The following UNC5D variants were observed in gnomAD, a reference collection of about 807,000 sequenced individuals.
UNC5D encodes the protein netrin receptor UNC5D.
UNC5D carries 39 observed loss-of-function variants against 105.4 expected under a neutral mutation model. The observed-to-expected ratio is 0.37, with a 90% confidence interval of 0.29 to 0.48. The LOEUF is 0.48. Among genes scored for constraint, UNC5D ranks in the 20% least tolerant of loss-of-function variants. The pLI is 0.98. For synonymous variants in UNC5D, 452 were observed against 450.4 expected (o/e 1.00, Z -0.04); for missense variants, 991 against 1,202.4 (o/e 0.82, Z 2.60).
intron 4 of UNC5D, among the ~76,000 whole-genome samples, chr8:35,664,997 C>A (rs1824335707): frequency 6.6e-6 from 1 of 152,062 alleles, no homozygotes; most frequent in African/African-American, 2.4e-5. Flanking sequence ...CCATGCCCAG[C>A]TAATTTTTTA....
rs946417222 is a variant in UNC5D, at chr8:35,706,987, C to T, written c.1117+1026C>T. Among the ~76,000 whole-genome samples the T allele has an allele frequency of 4.6e-5, 7 of 152,278 alleles. 1 individual carries two copies. Among genetic ancestry groups the T allele is most frequent in the South Asian group, 4.1e-4 (2 of 4,824 alleles). ...CTCTCATTAGTAGGAGATTAGACAA[C>T]GGCCTGGCTGGTTTGGTTTGTAAAG... On this transcript the variant is annotated intron_variant, in intron 8 of 16. Transcript: ENST00000404895.
chr8:35,249,874 A>G (rs1202778491), intron 1 of UNC5D, among the ~76,000 whole-genome samples: 1 of 152,064 alleles, frequency 6.6e-6, no homozygotes, highest in East Asian at 1.9e-4. Flanking sequence ...TTGCTGCTAG[A>G]AATAGTGGTC....
At chr8:35,480,279 TGCCACTTAATACATAAATGAA>T (rs1810395379) in intron 1 of UNC5D, among the ~76,000 whole-genome samples, 1 of 152,190 alleles carries the variant, frequency 6.6e-6, no homozygotes, top group Admixed American at 6.5e-5. Context: ...ATATATGTAT[TGCCACTTAATACATAAATGAA>T]AAGTCTGCTA....
chr8:35,748,432 C>A (rs1429232351), intron 11 of UNC5D, 95 bp from the exon 12 acceptor site: 6 of 1,305,032 alleles, frequency 4.6e-6, no homozygotes, highest in African/African-American at 4.5e-5. Context: ...TATTTATAAG[C>A]CTGAAGAAAA....
chr8:35,716,660 G>T (rs1828266264), intron 8 of UNC5D, among the ~76,000 whole-genome samples: 1 of 152,130 alleles, frequency 6.6e-6, no homozygotes, highest in Admixed American at 6.5e-5. Flanking sequence ...AGCTACTATT[G>T]TCATTAATTA....
intron 1 of UNC5D, among the ~76,000 whole-genome samples, chr8:35,323,750 G>T (rs1317063466): frequency 1.3e-5 from 2 of 152,138 alleles, no homozygotes; most frequent in African/African-American, 4.8e-5. Flanking sequence ...GCTACTAAGT[G>T]GTGGAGCTGA....
chr8:35,676,173 C>T (rs1825203215), intron 4 of UNC5D, among the ~76,000 whole-genome samples: 1 of 152,120 alleles, frequency 6.6e-6, no homozygotes, highest in South Asian at 2.1e-4. Context: ...GGCATGAAAT[C>T]TAATTGTCTT....
intron 4 of UNC5D, among the ~76,000 whole-genome samples, chr8:35,658,578 A>G (rs969223996): frequency 6.6e-6 from 1 of 152,004 alleles, no homozygotes; most frequent in Admixed American, 6.6e-5. Context: ...AAAAATCAAG[A>G]ATAGCTGATG....
intron 1 of UNC5D, among the ~76,000 whole-genome samples, chr8:35,472,891 G>A (rs1334764199): frequency 1.3e-5 from 2 of 152,170 alleles, no homozygotes; most frequent in Non-Finnish European, 2.9e-5. Flanking sequence ...CGGGATGAAA[G>A]CGTTTCATCC....
intron 7 of UNC5D, among the ~76,000 whole-genome samples, chr8:35,701,405 C>T (rs1388451268): frequency 6.6e-6 from 1 of 152,178 alleles, no homozygotes; most frequent in African/African-American, 2.4e-5. Flanking sequence ...GGCCTACTCT[C>T]TGTAGTCCCA....
intron 1 of UNC5D, among the ~76,000 whole-genome samples, chr8:35,397,865 A>G (rs1259577351): frequency 1.3e-5 from 2 of 152,106 alleles, no homozygotes; most frequent in Admixed American, 1.3e-4. Context: ...TCCTTTACTT[A>G]CAATTCTTCT....
intron 1 of UNC5D, among the ~76,000 whole-genome samples, chr8:35,534,445 C>G (rs1336586090): frequency 6.6e-6 from 1 of 151,940 alleles, no homozygotes; most frequent in Non-Finnish European, 1.5e-5. Context: ...CCACTATAAA[C>G]ACTGTCACTG....
At chr8:35,528,174 C>T (rs1814034735) in intron 1 of UNC5D, among the ~76,000 whole-genome samples, 1 of 149,388 alleles carries the variant, frequency 6.7e-6, no homozygotes, top group Non-Finnish European at 1.5e-5. Flanking sequence ...TTAGGTATAT[C>T]TCCCAATGCT....
At chr8:35,262,460 G>T (rs1263768062) in intron 1 of UNC5D, among the ~76,000 whole-genome samples, 2 of 152,082 alleles carry the variant, frequency 1.3e-5, no homozygotes, top group Admixed American at 6.6e-5. Context: ...GCTTACTTAA[G>T]TATTGAACAC....
chr8:35,273,801 GA>G (rs2128839298), intron 1 of UNC5D, among the ~76,000 whole-genome samples: 1 of 152,248 alleles, frequency 6.6e-6, no homozygotes, highest in African/African-American at 2.4e-5. Context: ...GCTTGGGTCA[GA>G]AAACTCTTAC....
Position 35,790,620 on chromosome 8 carries a change from G to A in UNC5D, c.*57G>A. On this transcript the variant is annotated 3_prime_UTR_variant, in exon 17 of 17. Transcript: ENST00000404895. ...CAGCTTGGGGACATTTGCTTTAAAT[G>A]GGAAAGAGGCCGCTTTCTGCCCAGT... The A allele has an allele frequency of 1.3e-6, 2 of 1,594,156 alleles. No individual in the cohort carries two copies. Among genetic ancestry groups the A allele is most frequent in the Non-Finnish European group, 1.7e-6 (2 of 1,166,650 alleles).
chr8:35,246,956 G>T (rs946078299), intron 1 of UNC5D, among the ~76,000 whole-genome samples: 1 of 151,940 alleles, frequency 6.6e-6, no homozygotes, highest in African/African-American at 2.4e-5. Context: ...TGCTAAAAAG[G>T]GCCCTAAAAT....
chr8:35,341,440 T>C (rs75237500), intron 1 of UNC5D, among the ~76,000 whole-genome samples: 49 of 139,364 alleles, frequency 3.5e-4, no homozygotes, highest in African/African-American at 1.2e-3. Context: ...AAGGAGCTTG[T>C]TTTTTTTTTT....
chr8:35,484,988 A>G (rs904314510), intron 1 of UNC5D, among the ~76,000 whole-genome samples: 1 of 152,226 alleles, frequency 6.6e-6, no homozygotes, highest in Admixed American at 6.5e-5. Context: ...TGCCTTAAGT[A>G]AATAGCTTTC....
Sources: allele counts gnomAD v4.1 joint callset (sites outside exome capture counted in the v4.1 genomes callset), GRCh38; gene constraint gnomAD v4.1.1; transcripts MANE v1.5; gene names NCBI Gene and HGNC (gene_info 2026-07-23, HGNC 2026-07-21).